ST3GAL1: variants seen among roughly 807,000 people sequenced by gnomAD.
The protein encoded by ST3GAL1 is CMP-N-acetylneuraminate-beta-galactosamide-alpha-2,3-sialyltransferase 1.
Under a neutral mutation model 34.1 loss-of-function variants are expected in ST3GAL1, and 16 were observed. The ratio of observed to expected loss-of-function variants is 0.47; its 90% CI spans 0.32 to 0.71. ST3GAL1 has a LOEUF of 0.71. Ranked by LOEUF, ST3GAL1 falls within the 30% of genes least tolerant of loss-of-function variation. The pLI, the probability that ST3GAL1 is intolerant of heterozygous loss-of-function variation, is 0.04. For missense variants in ST3GAL1, 353 were observed against 447.4 expected, an observed-to-expected ratio of 0.79 and a Z score of 1.90; for synonymous variants, 191 against 184.7, an observed-to-expected ratio of 1.03 and a Z score of -0.28.
At chr8:133,494,757 C>G (rs955161189) in intron 3 of ST3GAL1, among the ~76,000 whole-genome samples, 1 of 151,898 alleles carries the variant, frequency 6.6e-6, no homozygotes, top group African/African-American at 2.4e-5. Context: ...AAGCACAGGA[C>G]CTACACACAG....
At position 133,499,196 on chromosome 8, in the gene ST3GAL1, A is replaced by C. The variant is rs1192423433; in HGVS notation, c.-428-7T>G. The C allele has an allele frequency of 6.6e-6, 1 of 152,274 alleles. No individual in the cohort carries two copies. Among genetic ancestry groups the C allele is most frequent in the Non-Finnish European group, 1.5e-5 (1 of 68,106 alleles). 9.4% of individuals were successfully genotyped at this position (152,274 alleles called of 1,614,324 possible). ...TGAACCTCAGTTTCTTCATCTGAAA[A>C]ACAGAAGAAAATACTCGGGAGACTT... On this transcript the variant is annotated splice_polypyrimidine_tract_variant and splice_region_variant and intron_variant, in intron 2 of 9. Coordinates refer to ENST00000522652, the MANE Select transcript of ST3GAL1 (RefSeq NM_173344.3).
At chr8:133,484,085 A>C (rs1816492391) in intron 3 of ST3GAL1, among the ~76,000 whole-genome samples, 1 of 152,158 alleles carries the variant, frequency 6.6e-6, no homozygotes, top group African/African-American at 2.4e-5. Context: ...ATAGTTTGCC[A>C]AAACAGTCAC....
chr8:133,486,625 T>C (rs1348281029), intron 3 of ST3GAL1, among the ~76,000 whole-genome samples: 3 of 152,178 alleles, frequency 2.0e-5, no homozygotes, highest in Non-Finnish European at 2.9e-5. Flanking sequence ...AAACAGGTGA[T>C]GACAAGCTCC....
intron 1 of ST3GAL1, among the ~76,000 whole-genome samples, chr8:133,562,443 C>T (rs143374530): frequency 7.2e-5 from 11 of 152,230 alleles, no homozygotes; most frequent in African/African-American, 2.2e-4. Flanking sequence ...CTCTTGATCT[C>T]GTGATCTGGC....
At chr8:133,531,814 GAAAAAAAAAAAA>G (rs55909710) in intron 2 of ST3GAL1, among the ~76,000 whole-genome samples, 1 of 99,876 alleles carries the variant, frequency 1.0e-5, no homozygotes, top group Non-Finnish European at 2.1e-5. Context: ...CTTAAAAACA[GAAAAAAAAAAAA>G]AAAAAAAAAA....
intron 3 of ST3GAL1, among the ~76,000 whole-genome samples, chr8:133,477,244 G>A (rs1816213780): frequency 6.6e-6 from 1 of 152,144 alleles, no homozygotes; most frequent in Non-Finnish European, 1.5e-5. Context: ...GATGTATGCT[G>A]GGCTTCTGGT....
chr8:133,494,261 T>C, intron 3 of ST3GAL1, among the ~76,000 whole-genome samples: 1 of 152,222 alleles, frequency 6.6e-6, no homozygotes, highest in East Asian at 1.9e-4. Context: ...AGCCTTCTGA[T>C]ACACTGTGCC....
At chr8:133,541,168 C>A (rs1205712129) in intron 2 of ST3GAL1, among the ~76,000 whole-genome samples, 1 of 103,880 alleles carries the variant, frequency 9.6e-6, no homozygotes, top group South Asian at 3.5e-4. Context: ...GTGTCTCTCC[C>A]TCTTTCTCAC....
rs142111509 is a variant in ST3GAL1, at chr8:133,512,038, C to T, written c.-428-12849G>A. ...ACTGCACTACAGCCTGGCAACAGAG[C>T]GAGACTCTGTCTCAAAACAAAACAA... is the stretch of plus-strand genomic sequence containing the variant. On this transcript the variant is annotated intron_variant, in intron 2 of 9. Transcript: ENST00000522652. Among the ~76,000 whole-genome samples the T allele has an allele frequency of 1.1e-3, 166 of 152,216 alleles. 1 individual carries two copies. The highest frequency in any genetic ancestry group is 3.9e-3 in the African/African-American group (163 of 41,532).
chr8:133,558,746 T>C (rs1819132151), intron 1 of ST3GAL1, among the ~76,000 whole-genome samples: 1 of 152,198 alleles, frequency 6.6e-6, no homozygotes, highest in South Asian at 2.1e-4. Context: ...GCCAGTATAT[T>C]TTTTTCTCCT....
chr8:133,500,741 G>A (rs187940435), intron 2 of ST3GAL1, among the ~76,000 whole-genome samples: 1 of 152,170 alleles, frequency 6.6e-6, no homozygotes, highest in African/African-American at 2.4e-5. Flanking sequence ...AGTGCGTAAA[G>A]CATGCTTGGC....
At chr8:133,498,911 G>A (rs773878678) in intron 3 of ST3GAL1, among the ~76,000 whole-genome samples, 4 of 152,206 alleles carry the variant, frequency 2.6e-5, no homozygotes, top group African/African-American at 7.2e-5. Context: ...TCCCGGCCAC[G>A]GCACCCACTG....
intron 3 of ST3GAL1, among the ~76,000 whole-genome samples, chr8:133,487,863 G>A (rs78997964): frequency 0.15 from 23,377 of 151,910 alleles, 2,444 homozygotes; most frequent in East Asian, 0.57. Context: ...AGCTACTCAG[G>A]AGGCTGAGGC....
At chr8:133,551,999 C>T (rs758851152) in intron 1 of ST3GAL1, among the ~76,000 whole-genome samples, 1 of 152,202 alleles carries the variant, frequency 6.6e-6, no homozygotes, top group Non-Finnish European at 1.5e-5. Context: ...TAATTCCTAA[C>T]TCTACTCTAT....
intron 5 of ST3GAL1, among the ~76,000 whole-genome samples, chr8:133,468,327 G>C (rs1211070892): frequency 6.6e-6 from 1 of 152,162 alleles, no homozygotes. Flanking sequence ...GATGGACCTT[G>C]AAAATACTAA....
chr8:133,562,867 T>TCC (rs1467450383), intron 1 of ST3GAL1, among the ~76,000 whole-genome samples: 58 of 130,638 alleles, frequency 4.4e-4, no homozygotes, highest in African/African-American at 1.4e-3. Context: ...TTTTTTTTTT[T>TCC]CCCACTGGGC....
At chr8:133,473,201 A>G (rs1018539682) in intron 5 of ST3GAL1, among the ~76,000 whole-genome samples, 3 of 152,214 alleles carry the variant, frequency 2.0e-5, no homozygotes, top group African/African-American at 7.2e-5. Flanking sequence ...ACACCAGCCT[A>G]AGAGTTTTAG....
chr8:133,525,137 A>C (rs1817929418), intron 2 of ST3GAL1, among the ~76,000 whole-genome samples: 1 of 152,258 alleles, frequency 6.6e-6, no homozygotes, highest in South Asian at 2.1e-4. Context: ...GGCAGAGAGG[A>C]GCCTCACTGA....
At chr8:133,535,654 G>A (rs553997737) in intron 2 of ST3GAL1, among the ~76,000 whole-genome samples, 1 of 152,050 alleles carries the variant, frequency 6.6e-6, no homozygotes, top group Admixed American at 6.6e-5. Context: ...CCCGGCTAAT[G>A]TTTTCACTTT....
Sources: allele counts gnomAD v4.1 joint callset (sites outside exome capture counted in the v4.1 genomes callset), GRCh38; gene constraint gnomAD v4.1.1; transcripts MANE v1.5; gene names NCBI Gene and HGNC (gene_info 2026-07-23, HGNC 2026-07-21).